The following TYW1B variants were observed in gnomAD, a reference collection of about 807,000 sequenced individuals.
The protein encoded by TYW1B is tRNA-yW synthesizing protein 1 homolog B.
A neutral mutation model predicts 86.9 loss-of-function variants in TYW1B; 73 were observed. The observed-to-expected ratio is 0.84, with a 90% confidence interval of 0.70 to 1.02. The LOEUF (loss-of-function observed/expected upper bound fraction) is 1.02. Among genes scored for constraint, TYW1B ranks in the 50% least tolerant of loss-of-function variants. The pLI is 0.00. For missense variants in TYW1B, 637 were observed against 827.4 expected (o/e 0.77, Z 2.82); for synonymous variants, 248 against 292.8 (o/e 0.85, Z 1.56).
intron 11 of TYW1B, among the ~76,000 whole-genome samples, chr7:72,677,795 G>A (rs782428592): frequency 5.3e-5 from 8 of 151,966 alleles, no homozygotes; most frequent in Middle Eastern, 3.4e-3. Context: ...TCCATCTCCC[G>A]GGTTCAAGTG....
chr7:72,672,023 G>C (rs6980381), intron 11 of TYW1B, among the ~76,000 whole-genome samples: 1 of 149,534 alleles, frequency 6.7e-6, no homozygotes, highest in Non-Finnish European at 1.5e-5. Context: ...CCCACGTTGT[G>C]GGGGGACCTG....
chr7:72,579,918 T>C (rs1811112259), intron 13 of TYW1B, among the ~76,000 whole-genome samples: 1 of 152,212 alleles, frequency 6.6e-6, no homozygotes, highest in South Asian at 2.1e-4. Flanking sequence ...CCCAAAATGC[T>C]AGGATCATAG....
intron 13 of TYW1B, among the ~76,000 whole-genome samples, chr7:72,615,780 T>TA (rs1295743078): frequency 6.6e-6 from 1 of 151,744 alleles, no homozygotes; most frequent in African/African-American, 2.4e-5. Context: ...ATTATACAAT[T>TA]AAAAAAACAT....
intron 1 of TYW1B, among the ~76,000 whole-genome samples, chr7:72,827,324 C>T (rs1788951393): frequency 6.6e-6 from 1 of 152,178 alleles, no homozygotes; most frequent in Non-Finnish European, 1.5e-5. Flanking sequence ...AGGAGAACTG[C>T]TTGCACCTGG....
chr7:72,702,853 G>C (rs1291950377), intron 10 of TYW1B, among the ~76,000 whole-genome samples: 2 of 151,798 alleles, frequency 1.3e-5, no homozygotes, highest in Non-Finnish European at 2.9e-5. Flanking sequence ...AGTCGCTTGT[G>C]ATCATTTTTG....
chr7:72,743,206 G>A (rs1174544375), intron 8 of TYW1B, among the ~76,000 whole-genome samples: 4 of 152,144 alleles, frequency 2.6e-5, no homozygotes, highest in African/African-American at 9.7e-5. Flanking sequence ...ATGAAGCCAC[G>A]GAAATGGTTT....
At chr7:72,771,780 G>C (rs1488003388) in intron 7 of TYW1B, among the ~76,000 whole-genome samples, 1 of 150,856 alleles carries the variant, frequency 6.6e-6, no homozygotes, top group Non-Finnish European at 1.5e-5. Flanking sequence ...ATTTAATTCA[G>C]CAAGATGAGA....
chr7:72,595,826 C>T (rs1554432469), intron 13 of TYW1B, among the ~76,000 whole-genome samples: 1 of 152,012 alleles, frequency 6.6e-6, no homozygotes, highest in African/African-American at 2.4e-5. Flanking sequence ...AAGTAAAGAA[C>T]ACATAAATAA....
Position 72,704,145 on chromosome 7 carries a change from C to T in TYW1B, c.1371-9323G>A, listed in dbSNP as rs1448043573. 4.6e-5 allele frequency among the ~76,000 whole-genome samples: 7 copies of T among 151,666 alleles called. 1 individual carries two copies. Among genetic ancestry groups the T allele is most frequent in the African/African-American group, 1.2e-4 (5 of 41,348 alleles). The stretch of plus-strand genomic sequence containing the variant: ...TTAACGTTTTATTATTAAGAAATGT[C>T]CATCTTGTCTGGGCGCAGTAGCTCA... On this transcript the variant is annotated intron_variant, in intron 10 of 13. Transcript: ENST00000620995.
chr7:72,824,479 G>A (rs1455917371), intron 2 of TYW1B, among the ~76,000 whole-genome samples: 9 of 152,036 alleles, frequency 5.9e-5, no homozygotes, highest in East Asian at 3.9e-4. Context: ...GGTGCCTCAC[G>A]CCTGTAATCC....
At chr7:72,683,376 C>A (rs1554448723) in intron 11 of TYW1B, among the ~76,000 whole-genome samples, 1 of 152,144 alleles carries the variant, frequency 6.6e-6, no homozygotes, top group African/African-American at 2.4e-5. Flanking sequence ...TCAAGACTAG[C>A]CTGCCCAACA....
intron 11 of TYW1B, among the ~76,000 whole-genome samples, chr7:72,691,808 G>A (rs1219173825): frequency 6.6e-6 from 1 of 152,116 alleles, no homozygotes; most frequent in Non-Finnish European, 1.5e-5. Context: ...AACTTCCCGG[G>A]CATAAAACAG....
chr7:72,705,264 A>T (rs1169012826), intron 10 of TYW1B, among the ~76,000 whole-genome samples: 1 of 152,262 alleles, frequency 6.6e-6, no homozygotes, highest in Non-Finnish European at 1.5e-5. Context: ...ATACATAAAG[A>T]GACATCCAGT....
At chr7:72,803,625 C>G (rs1314951660) in intron 5 of TYW1B, among the ~76,000 whole-genome samples, 1 of 151,970 alleles carries the variant, frequency 6.6e-6, no homozygotes, top group Non-Finnish European at 1.5e-5. Context: ...TTTGTTTGTT[C>G]TTTGTTGTTG....
chr7:72,660,906 G>A (rs1813312359), intron 11 of TYW1B, among the ~76,000 whole-genome samples: 2 of 151,828 alleles, frequency 1.3e-5, no homozygotes, highest in South Asian at 4.2e-4. Context: ...GGAGGCTGAG[G>A]CGGGTGGATC....
intron 13 of TYW1B, among the ~76,000 whole-genome samples, chr7:72,609,047 A>T (rs1251079079): frequency 6.6e-6 from 1 of 152,184 alleles, no homozygotes; most frequent in African/African-American, 2.4e-5. Flanking sequence ...ACGTACTATG[A>T]TCACGTAAGA....
chr7:72,760,714 A>T (rs1342643824), intron 7 of TYW1B, among the ~76,000 whole-genome samples: 3 of 152,220 alleles, frequency 2.0e-5, no homozygotes, highest in Non-Finnish European at 2.9e-5. Flanking sequence ...TTGGTAAAAT[A>T]AAAATTAAAA....
At chr7:72,713,183 C>T (rs1349406803) in intron 10 of TYW1B, among the ~76,000 whole-genome samples, 5 of 150,742 alleles carry the variant, frequency 3.3e-5, no homozygotes. Context: ...CACCTGTAGA[C>T]CCAGCTACTC....
At chr7:72,643,821 T>C (rs1338586630) in intron 11 of TYW1B, among the ~76,000 whole-genome samples, 3 of 152,140 alleles carry the variant, frequency 2.0e-5, no homozygotes, top group Non-Finnish European at 2.9e-5. Context: ...CCTACAATTA[T>C]TTATGGTGTT....
Sources: allele counts gnomAD v4.1 joint callset (sites outside exome capture counted in the v4.1 genomes callset), GRCh38; gene constraint gnomAD v4.1.1; transcripts MANE v1.5; gene names NCBI Gene and HGNC (gene_info 2026-07-23, HGNC 2026-07-21).